Variants in MPRIP observed in about 807,000 individuals in gnomAD.
MPRIP encodes the protein myosin phosphatase Rho interacting protein, also known as myosin phosphatase Rho-interacting protein.
Under a neutral mutation model 234.9 loss-of-function variants are expected in MPRIP, and 59 were observed. The observed-to-expected ratio is 0.25, with a 90% CI of 0.20 to 0.31. The LOEUF (loss-of-function observed/expected upper bound fraction) is 0.31. Ranked by LOEUF, MPRIP falls within the 10% of genes least tolerant of loss-of-function variation. MPRIP has a pLI of 1.00. For missense variants in MPRIP, 2,436 were observed against 3,071.0 expected, an observed-to-expected ratio of 0.79 and a Z score of 4.89; for synonymous variants, 1,144 against 1,263.9, an observed-to-expected ratio of 0.91 and a Z score of 2.01.
chr17:17,178,141 T>A (rs1030231272), intron 22 of MPRIP, among the ~76,000 whole-genome samples: 2 of 152,068 alleles, frequency 1.3e-5, no homozygotes, highest in Admixed American at 1.3e-4. Context: ...CAGACTGATC[T>A]CAAACTCCTG....
intron 1 of MPRIP, among the ~76,000 whole-genome samples, chr17:17,053,593 AT>A (rs1165049251): frequency 6.6e-6 from 1 of 152,160 alleles, no homozygotes; most frequent in African/African-American, 2.4e-5. Flanking sequence ...GGGCCAGGCC[AT>A]GGGCGAGATG....
At chr17:17,088,550 C>T (rs568143930) in intron 3 of MPRIP, among the ~76,000 whole-genome samples, 97 of 152,270 alleles carry the variant, frequency 6.4e-4, no homozygotes, top group African/African-American at 2.2e-3. Flanking sequence ...AGTGTCTTCA[C>T]GTGTTTGTGC....
intron 14 of MPRIP, 119 bp downstream of exon 14, chr17:17,159,121 A>G: frequency 9.5e-7 from 1 of 1,052,760 alleles, no homozygotes; most frequent in Non-Finnish European, 1.4e-6. Context: ...GGACTTGCAG[A>G]CCCCTAGGGG....
In MPRIP at chr17:17,075,761, T is replaced by G; in HGVS notation, c.175T>G (p.Phe59Val). The G allele has an allele frequency of 1.9e-6, 3 of 1,614,140 alleles. No individual in the cohort carries two copies. The highest frequency in any genetic ancestry group is 2.5e-6 in the Non-Finnish European group (3 of 1,180,024). ...GCTCCTGGCTCCAGATGGGACCGACTTTGACAACCCAGTGCACCGGTCTCG... is the reference window on the plus strand; with the variant it reads ...GCTCCTGGCTCCAGATGGGACCGACGTTGACAACCCAGTGCACCGGTCTCG... ...WLLLAPDGTD[F>V]DNPVHRSRKW... The change falls in exon 2 of 24, where the codon TTT becomes GTT. Residue 59 changes from phenylalanine to valine, a missense_variant. Physicochemically the swap from Phe to Val is conservative, Grantham distance 50. Around this residue, in one of 4 missense-constraint regions of MPRIP, gnomAD observed 140 missense variants for 207.3 expected, o/e 0.68. Coordinates refer to ENST00000651222, the MANE Select transcript of MPRIP (RefSeq NM_001364716.4).
rs746428088 is a variant in MPRIP at position 17,185,683 on chromosome 17, C to CT, written c.*790dup. 1.1e-5 allele frequency: 4 copies of CT among 369,400 alleles called. No homozygotes were observed. Among genetic ancestry groups the CT allele is most frequent in the Non-Finnish European group, 2.2e-5 (4 of 185,150 alleles). The allele number at this position is 369,400 out of a possible 1,614,324, so 22.9% of individuals were successfully genotyped here. A position where few individuals can be genotyped will look rare whatever the true frequency, so the allele number is the denominator to read the frequency against. ...TGACCTGCAGCCCAGGTTTCAGACTCTGATTGCAAAAAACAAATGAATTCC... is the reference window on the plus strand; with the variant it reads ...TGACCTGCAGCCCAGGTTTCAGACTCTTGATTGCAAAAAACAAATGAATTCC... On this transcript the variant is annotated 3_prime_UTR_variant, in exon 24 of 24. Coordinates refer to ENST00000651222, the MANE Select transcript of MPRIP (RefSeq NM_001364716.4).
intron 3 of MPRIP, among the ~76,000 whole-genome samples, chr17:17,085,348 A>G (rs116435328): frequency 0.045 from 6,810 of 152,240 alleles, 468 homozygotes; most frequent in African/African-American, 0.14. Context: ...GTGTGTTTTC[A>G]TCTTTACATG....
intron 3 of MPRIP, among the ~76,000 whole-genome samples, chr17:17,093,840 A>G (rs1289528984): frequency 6.6e-6 from 1 of 152,176 alleles, no homozygotes; most frequent in Non-Finnish European, 1.5e-5. Flanking sequence ...TGAGTTTTAG[A>G]AGATATTATC....
At chr17:17,154,004 T>C (rs2045669029) in intron 12 of MPRIP, among the ~76,000 whole-genome samples, 1 of 152,194 alleles carries the variant, frequency 6.6e-6, no homozygotes, top group Non-Finnish European at 1.5e-5. Context: ...CATCCTCCTC[T>C]GTCTGAGTGG....
chr17:17,175,246 G>A (rs1227999822), intron 19 of MPRIP, 47 bp from the exon 20 acceptor site: 15 of 1,611,496 alleles, frequency 9.3e-6, no homozygotes, highest in Non-Finnish European at 1.3e-5. Context: ...CATGCGACTT[G>A]GCCCCAGGCA....
intron 3 of MPRIP, among the ~76,000 whole-genome samples, chr17:17,117,995 C>G (rs1410907115): frequency 1.3e-5 from 2 of 152,224 alleles, no homozygotes; most frequent in Non-Finnish European, 2.9e-5. Flanking sequence ...GATCTCAGAA[C>G]TTCTGCAGAG....
chr17:17,191,153 T>G lies in MPRIP; in HGVS notation c.*6259T>G, dbSNP rs1463595325. On this transcript the variant is annotated 3_prime_UTR_variant, in exon 24 of 24. Coordinates refer to ENST00000651222, the MANE Select transcript of MPRIP (RefSeq NM_001364716.4). ...ATAACGATAGCCCTGTATCCATACA[T>G]TGTTTCATTGAAAGAATTCTCTATT... 6.6e-6 allele frequency: 1 copy of G among 152,230 alleles called. No homozygotes were observed. Among genetic ancestry groups the G allele is most frequent in the African/African-American group, 2.4e-5 (1 of 41,456 alleles). The allele number at this position is 152,230 out of a possible 1,614,324, so 9.4% of individuals were successfully genotyped here. A position where few individuals can be genotyped will look rare whatever the true frequency, so the allele number is the denominator to read the frequency against.
At chr17:17,150,373 T>G in intron 12 of MPRIP, 140 bp downstream of exon 12, 2 of 628,120 alleles carry the variant, frequency 3.2e-6, no homozygotes, top group South Asian at 1.9e-5. Flanking sequence ...CCCACTACCC[T>G]TGACACCTCT....
chr17:17,116,667 C>T (rs1357005918), intron 3 of MPRIP, among the ~76,000 whole-genome samples: 1 of 152,242 alleles, frequency 6.6e-6, no homozygotes, highest in Non-Finnish European at 1.5e-5. Context: ...AGGCCTCCGT[C>T]CTGCCAGTCC....
intron 6 of MPRIP, among the ~76,000 whole-genome samples, chr17:17,136,713 G>A (rs1853959209): frequency 6.6e-6 from 1 of 152,214 alleles, no homozygotes; most frequent in Non-Finnish European, 1.5e-5. Flanking sequence ...CCAGTTGCTT[G>A]TCAGGAGAAT....
chr17:17,146,700 G>A (rs1003777567), intron 10 of MPRIP, among the ~76,000 whole-genome samples: 1 of 152,170 alleles, frequency 6.6e-6, no homozygotes, highest in African/African-American at 2.4e-5. Flanking sequence ...AAGCCTGCTG[G>A]GTCCTTACCT....
chr17:17,053,365 A>AGG (rs754278724), intron 1 of MPRIP, among the ~76,000 whole-genome samples: 5 of 152,156 alleles, frequency 3.3e-5, no homozygotes, highest in Non-Finnish European at 7.4e-5. Context: ...GGTCCTGATG[A>AGG]GGATGCAGGA....
At chr17:17,161,118 T>A (rs1368046105) in intron 14 of MPRIP, 122 bp from the exon 15 acceptor site, 1 of 609,170 alleles carries the variant, frequency 1.6e-6, no homozygotes, top group African/African-American at 1.9e-5. Flanking sequence ...GCACATCTGC[T>A]GAAATGTGGA....
At chr17:17,056,002 AC>A (rs2088684452) in intron 1 of MPRIP, among the ~76,000 whole-genome samples, 1 of 152,094 alleles carries the variant, frequency 6.6e-6, no homozygotes, top group Non-Finnish European at 1.5e-5. Context: ...CCGGGAGGAA[AC>A]CCAGCTGTGG....
At chr17:17,123,024 G>A (rs753325852) in intron 3 of MPRIP, among the ~76,000 whole-genome samples, 1 of 152,234 alleles carries the variant, frequency 6.6e-6, no homozygotes, top group Admixed American at 6.5e-5. Context: ...ACAATGGAAC[G>A]TTATTCAGCT....
Sources: gnomAD v4.1 joint callset for allele counts (sites outside exome capture counted in the v4.1 genomes callset) on GRCh38, gnomAD v4.1.1 for gene constraint, gnomAD v4.1.1 regional missense constraint, MANE v1.5 for transcripts, NCBI Gene and HGNC (gene_info 2026-07-23, HGNC 2026-07-21) for gene names.